Variants in ZNF398 observed in about 807,000 individuals in gnomAD.
ZNF398 encodes zinc finger protein 398, also known as zinc finger DNA binding protein ZER6.
In ZNF398, 18 loss-of-function variants were observed where a neutral mutation model predicts 41.9. That is an observed-to-expected ratio of 0.43 (90% CI 0.30 to 0.64). The LOEUF is 0.64. ZNF398 is among the 30% of genes least tolerant of loss of function. The probability of loss-of-function intolerance (pLI) is 0.14; values close to 1 mark genes in which losing one functional copy is unlikely to be tolerated. For missense variants in ZNF398, 669 were observed against 822.8 expected (o/e 0.81, Z 2.29); for synonymous variants, 260 against 308.8 (o/e 0.84, Z 1.66).
At chr7:149,163,194 T>G (rs1260453609) in intron 2 of ZNF398, among the ~76,000 whole-genome samples, 5 of 128,486 alleles carry the variant, frequency 3.9e-5, no homozygotes, top group African/African-American at 1.4e-4. Context: ...AAAATACCTG[T>G]TTTGTTTGTT....
At position 149,128,495 on chromosome 7, in the gene ZNF398, C is replaced by T. The variant is rs566456134; in HGVS notation, c.-611-328C>T. ...GGCGCAGTAGCTCACGTCTGTAATC[C>T]CAGCACTTTGGGAGGCTGAGGCAGT... On this transcript the variant is annotated intron_variant, in intron 1 of 6. Coordinates refer to the ZNF398 transcript ENST00000426851. Among the ~76,000 whole-genome samples the T allele has an allele frequency of 2.1e-4, 32 of 152,086 alleles. No individual in the cohort carries two copies. The South Asian group carries it at 2.7e-3, about 13-fold the overall frequency.
At chr7:149,151,127 C>A in intron 1 of ZNF398, 1 of 689,878 alleles carries the variant, frequency 1.4e-6, no homozygotes, top group Non-Finnish European at 1.9e-6. Context: ...ATGGAGGGCA[C>A]AAGTCAGTGT....
chr7:149,166,332 AGG>A (rs748745334), intron 3 of ZNF398, 48 bp downstream of exon 3: 2 of 1,606,152 alleles, frequency 1.2e-6, no homozygotes, highest in Admixed American at 3.4e-5. Flanking sequence ...CAGCTCCAAG[AGG>A]GCTCAGAACA....
At chr7:149,137,615 C>T (rs534672449) in intron 2 of ZNF398, among the ~76,000 whole-genome samples, 24 of 152,070 alleles carry the variant, frequency 1.6e-4, no homozygotes, top group Admixed American at 1.2e-3. Flanking sequence ...CTCCTGACCT[C>T]GTGATCCACC....
intron 2 of ZNF398, among the ~76,000 whole-genome samples, chr7:149,129,867 C>A (rs941534653): frequency 3.9e-5 from 6 of 151,974 alleles, no homozygotes; most frequent in African/African-American, 1.2e-4. Context: ...ATGGAGTAAT[C>A]TCAGCTCACC....
At chr7:149,161,170 G>C (rs1206698094) in intron 2 of ZNF398, among the ~76,000 whole-genome samples, 2 of 152,062 alleles carry the variant, frequency 1.3e-5, no homozygotes, top group East Asian at 3.9e-4. Flanking sequence ...CTGGCTCCTT[G>C]CCACCAGGAT....
intron 2 of ZNF398, among the ~76,000 whole-genome samples, chr7:149,155,728 T>A (rs369252312): frequency 5.3e-4 from 16 of 30,094 alleles, no homozygotes; most frequent in African/African-American, 1.4e-3. Context: ...TTTTTTTTTT[T>A]TAATTTTTTT....
At chr7:149,146,271 A>G (rs1354060033), upstream of ZNF398, among the ~76,000 whole-genome samples, 1 of 152,036 alleles carries the variant, frequency 6.6e-6, no homozygotes, top group East Asian at 1.9e-4. Context: ...CAGACGCAGC[A>G]AACCGTAACC....
chr7:149,157,938 G>A (rs1184161023), intron 2 of ZNF398, among the ~76,000 whole-genome samples: 2 of 151,944 alleles, frequency 1.3e-5, no homozygotes, highest in Non-Finnish European at 2.9e-5. Context: ...CGTGGCTCAT[G>A]GTGGCAGGCG....
chr7:149,136,349 A>G (rs1156302887), intron 2 of ZNF398, among the ~76,000 whole-genome samples: 9 of 151,802 alleles, frequency 5.9e-5, no homozygotes. Flanking sequence ...CTTTTTAGAC[A>G]GTGCAGCTGC....
chr7:149,178,585 A>G (rs1795518992), intron 5 of ZNF398, 63 bp from the exon 6 acceptor site: 1 of 1,382,808 alleles, frequency 7.2e-7, no homozygotes, highest in Non-Finnish European at 1.0e-6. Flanking sequence ...CTGGGTAGGA[A>G]TGCATGAGAG....
intron 4 of ZNF398, among the ~76,000 whole-genome samples, chr7:149,167,786 A>G (rs186065273): frequency 1.7e-4 from 25 of 150,854 alleles, no homozygotes; most frequent in Non-Finnish European, 3.3e-4. Context: ...AATTTTTTCT[A>G]TTTTTTAGTA....
At chr7:149,130,505 G>C (rs116082832) in intron 2 of ZNF398, among the ~76,000 whole-genome samples, 115 of 152,332 alleles carry the variant, frequency 7.5e-4, no homozygotes, top group African/African-American at 2.5e-3. Context: ...GAGTGGGACT[G>C]CTGAGTCACG....
At position 149,179,838 on chromosome 7, in the gene ZNF398, A is replaced by G. The variant is rs1409146756; in HGVS notation, c.*37A>G. On this transcript the variant is annotated 3_prime_UTR_variant, in exon 6 of 6. Coordinates refer to ENST00000475153, the MANE Select transcript of ZNF398 (RefSeq NM_170686.3). This position sits in a 1 kb window ranked among gnomAD's most constrained non-coding sequence, Gnocchi z 6.1. Reference sequence around the variant, plus strand: ...TGTGGCTTCATGCTTGTATATGCTCACAGCAGGGCACAAAATCCAAGAGAA... The same window carrying G: ...TGTGGCTTCATGCTTGTATATGCTCGCAGCAGGGCACAAAATCCAAGAGAA... 1 of 1,509,564 alleles carries G rather than the reference A, an allele frequency of 6.6e-7. No homozygotes were observed. Among genetic ancestry groups the G allele is most frequent in the Admixed American group, 2.2e-5 (1 of 45,634 alleles). 93.5% of individuals were successfully genotyped at this position (1,509,564 alleles called of 1,614,324 possible). A position where few individuals can be genotyped will look rare whatever the true frequency, so the allele number is the denominator to read the frequency against.
chr7:149,140,360 G>A (rs1357219546), intron 2 of ZNF398, among the ~76,000 whole-genome samples: 1 of 151,992 alleles, frequency 6.6e-6, no homozygotes, highest in Non-Finnish European at 1.5e-5. Context: ...GAATTATTTT[G>A]CACAGTTGCA....
At chr7:149,154,710 A>G (rs1263026319) in intron 2 of ZNF398, among the ~76,000 whole-genome samples, 1 of 151,984 alleles carries the variant, frequency 6.6e-6, no homozygotes, top group African/African-American at 2.4e-5. Context: ...TAAATCAGTC[A>G]ATTTGAGGCT....
chr7:149,179,561 G>A lies in ZNF398; in HGVS notation c.1689G>A (p.Gly563=), dbSNP rs988243552. ...TGAAACACCAGCGCATCCACACCGGGGAGCGGCCCTACCCCTGCTCCTACT... is the reference window on the plus strand; with the variant it reads ...TGAAACACCAGCGCATCCACACCGGAGAGCGGCCCTACCCCTGCTCCTACT... The part of the protein sequence containing the change: ...HLMKHQRIHT[G]ERPYPCSYCG... The change falls in exon 6 of 6, where the codon GGG becomes GGA. Residue 563 remains glycine, a synonymous_variant. Coordinates refer to ENST00000475153, the MANE Select transcript of ZNF398 (RefSeq NM_170686.3). The surrounding 1 kb of genome is among the most constrained non-coding windows in gnomAD (Gnocchi z 6.1). 3 of 1,614,116 alleles carry A rather than the reference G, an allele frequency of 1.9e-6. No individual in the cohort carries two copies. The African/African-American group carries it at 4.0e-5, about 22-fold the overall frequency.
chr7:149,178,415 T>C (rs1312925650), intron 5 of ZNF398, among the ~76,000 whole-genome samples: 3 of 152,242 alleles, frequency 2.0e-5, no homozygotes, highest in Non-Finnish European at 4.4e-5. Flanking sequence ...GTCACGCCAC[T>C]GTACTCCATC....
chr7:149,158,157 T>C (rs1166585504), intron 2 of ZNF398, among the ~76,000 whole-genome samples: 1 of 152,066 alleles, frequency 6.6e-6, no homozygotes, highest in Non-Finnish European at 1.5e-5. Flanking sequence ...CAGGAAAGTA[T>C]GTGGTGTCAC....
Sources: gnomAD v4.1 joint callset for allele counts (sites outside exome capture counted in the v4.1 genomes callset) on GRCh38, gnomAD v4.1.1 for gene constraint, Gnocchi (gnomAD v3.1) non-coding constraint, MANE v1.5 for transcripts, NCBI Gene and HGNC (gene_info 2026-07-23, HGNC 2026-07-21) for gene names.